Variants in LRRN1 observed in about 807,000 individuals in gnomAD.
The protein encoded by LRRN1 is leucine-rich repeat neuronal protein 1.
LRRN1 carries 14 observed loss-of-function variants against 45.8 expected under a neutral mutation model. The observed-to-expected ratio is 0.31, with a 90% CI of 0.20 to 0.48. The LOEUF (loss-of-function observed/expected upper bound fraction) is 0.48. Among genes scored for constraint, LRRN1 ranks in the 20% least tolerant of loss-of-function variants. LRRN1 has a pLI of 0.99. For synonymous variants in LRRN1, 359 were observed against 330.1 expected (o/e 1.09, Z -0.95); for missense variants, 789 against 874.2 (o/e 0.90, Z 1.23).
intron 1 of LRRN1, among the ~76,000 whole-genome samples, chr3:3,811,170 G>GA (rs754373381): frequency 1.8e-4 from 27 of 151,818 alleles, no homozygotes; most frequent in Admixed American, 2.6e-4. Flanking sequence ...TAAAGATGTG[G>GA]AAAAAAAACC....
At chr3:3,838,697 C>A (rs1693580458) in intron 1 of LRRN1, among the ~76,000 whole-genome samples, 1 of 152,092 alleles carries the variant, frequency 6.6e-6, no homozygotes, top group Admixed American at 6.5e-5. Context: ...CTGTTATTTT[C>A]TGTTGTGATA....
chr3:3,834,564 T>TATATATATATATATGATATATA (rs1406987073), intron 1 of LRRN1, among the ~76,000 whole-genome samples: 1 of 110,382 alleles, frequency 9.1e-6, no homozygotes, highest in South Asian at 2.9e-4. Flanking sequence ...GATATATATA[T>TATATATATATATATGATATATA]TATTATACAT....
chr3:3,815,210 G>C (rs1692963810), intron 1 of LRRN1, among the ~76,000 whole-genome samples: 1 of 152,072 alleles, frequency 6.6e-6, no homozygotes, highest in African/African-American at 2.4e-5. Flanking sequence ...CTTTACACCA[G>C]TGTAAATGTT....
chr3:3,833,423 A>G (rs907715804), intron 1 of LRRN1, among the ~76,000 whole-genome samples: 4 of 152,210 alleles, frequency 2.6e-5, no homozygotes, highest in South Asian at 4.1e-4. Flanking sequence ...GCCCAAATCA[A>G]TAAGTTCAGC....
intron 1 of LRRN1, among the ~76,000 whole-genome samples, chr3:3,834,531 T>TATATATATATATATATC (rs1693451750): frequency 9.8e-6 from 1 of 102,524 alleles, no homozygotes; most frequent in African/African-American, 3.6e-5. Flanking sequence ...ACAGGATATA[T>TATATATATATATATATC]ATATATATAT....
intron 1 of LRRN1, among the ~76,000 whole-genome samples, chr3:3,836,043 C>G (rs1187706599): frequency 6.6e-6 from 1 of 151,938 alleles, no homozygotes; most frequent in Non-Finnish European, 1.5e-5. Flanking sequence ...TTTCTTCTTA[C>G]ATTTGATAGA....
At chr3:3,832,493 A>C (rs1287201398) in intron 1 of LRRN1, among the ~76,000 whole-genome samples, 1 of 152,220 alleles carries the variant, frequency 6.6e-6, no homozygotes, top group African/African-American at 2.4e-5. Context: ...CTGGAGGACC[A>C]CAATGATGTT....
At chr3:3,810,570 G>A (rs142650696) in intron 1 of LRRN1, among the ~76,000 whole-genome samples, 45 of 152,312 alleles carry the variant, frequency 3.0e-4, no homozygotes, top group East Asian at 9.7e-4. Flanking sequence ...TGCTGGGCAT[G>A]GTGGTGCACA....
rs762607244 is a variant in LRRN1, at chr3:3,845,010, G to A, written c.369G>A (p.Thr123=). 13 of 1,613,940 alleles carry A rather than the reference G, an allele frequency of 8.1e-6. No homozygotes were observed. Among genetic ancestry groups the A allele is most frequent in the South Asian group, 6.6e-5 (6 of 91,072 alleles). ...TGGCAAACCTAACCCAGCTCACAAC[G>A]CTGCATTTGGAGGAAAATCAGATTA... ...VGLANLTQLT[T]LHLEENQITE... is the part of the protein sequence containing the mutation. The change falls in exon 2 of 2, where the codon ACG becomes ACA. Residue 123 remains threonine, a synonymous_variant. Transcript: ENST00000319331. This position sits in a 1 kb window ranked among gnomAD's most constrained non-coding sequence, Gnocchi z 6.5.
At chr3:3,842,813 C>G (rs898925366) in intron 1 of LRRN1, among the ~76,000 whole-genome samples, 1 of 152,116 alleles carries the variant, frequency 6.6e-6, no homozygotes, top group African/African-American at 2.4e-5. Flanking sequence ...TTTGGGAAAG[C>G]AAGACAAACA....
intron 1 of LRRN1, among the ~76,000 whole-genome samples, chr3:3,835,325 T>A (rs1351483469): frequency 6.6e-6 from 1 of 152,206 alleles, no homozygotes; most frequent in Admixed American, 6.5e-5. Flanking sequence ...AGTGTTGAAT[T>A]TCTCATGTAA....
In LRRN1 at chr3:3,846,241, A is replaced by G; in HGVS notation, c.1600A>G (p.Thr534Ala). The change falls in exon 2 of 2, where the codon ACA (threonine) becomes GCA (alanine). Residue 534 changes from threonine to alanine, a missense_variant. Physicochemically the swap from Thr to Ala is moderately conservative, Grantham distance 58 (BLOSUM62 0). Transcript: ENST00000319331. This position sits in a 1 kb window ranked among gnomAD's most constrained non-coding sequence, Gnocchi z 5.7. ...TQVLKIYVKQ[T>A]ESHSILVSWK... is the part of the protein sequence containing the mutation. ...GGTGCTAAAAATATACGTCAAGCAG[A>G]CAGAATCCCATTCCATCTTAGTGTC... is the stretch of plus-strand genomic sequence containing the variant. 1 of 1,614,088 alleles carries G rather than the reference A, an allele frequency of 6.2e-7. No individual in the cohort carries two copies. The highest frequency in any genetic ancestry group is 8.5e-7 in the Non-Finnish European group (1 of 1,180,026).
Position 3,849,463 on chromosome 3 carries a change from G to A in LRRN1, c.*2671G>A, listed in dbSNP as rs193254363. 1.3e-5 allele frequency among the ~76,000 whole-genome samples: 2 copies of A among 152,210 alleles called. No individual in the cohort carries two copies. Among genetic ancestry groups the A allele is most frequent in the Admixed American group, 1.3e-4 (2 of 15,282 alleles). On this transcript the variant is annotated 3_prime_UTR_variant, in exon 2 of 2. Coordinates refer to ENST00000319331, the MANE Select transcript of LRRN1 (RefSeq NM_020873.7). ...TCCTTGGCCAAGTATTTTCTCATTT[G>A]TATTTAATTTCATAAATTAGACAGC...
chr3:3,844,747 T>C lies in LRRN1; in HGVS notation c.106T>C (p.Cys36Arg). 6.2e-7 allele frequency: 1 copy of C among 1,614,172 alleles called. No individual in the cohort carries two copies. The highest frequency in any genetic ancestry group is 8.5e-7 in the Non-Finnish European group (1 of 1,180,002). The change falls in exon 2 of 2, where the codon TGC becomes CGC. Residue 36 changes from cysteine (C) to arginine (R), a missense_variant. Physicochemically the swap from Cys to Arg is radical, Grantham distance 180 (BLOSUM62 -3). Coordinates refer to ENST00000319331, the MANE Select transcript of LRRN1 (RefSeq NM_020873.7). ...ACAGAATAGTGAGTGTCCACAACTT[T>C]GCGTATGTGAAATTCGTCCCTGGTT... Reference protein sequence around the residue: ...SIQNSECPQLCVCEIRPWFTP... With the variant: ...SIQNSECPQLRVCEIRPWFTP...
intron 1 of LRRN1, among the ~76,000 whole-genome samples, chr3:3,801,972 T>C (rs915426954): frequency 1.3e-5 from 2 of 152,238 alleles, no homozygotes; most frequent in Admixed American, 1.3e-4. Context: ...CTATTCATTA[T>C]AGTAGAAGAT....
rs1235947919 is a variant in LRRN1 at position 3,799,470 on chromosome 3, CCGGTGAACGAGG to C, written c.-725_-714del. ...GCGCACCGCGGGCGCCGGCAACGAG[CCGGTGAACGAGG>C]CGAGGCCCGTGCGCCCGCGGCTGCA... On this transcript the variant is annotated 5_prime_UTR_variant, in exon 1 of 2. Coordinates refer to ENST00000319331, the MANE Select transcript of LRRN1 (RefSeq NM_020873.7). 2.6e-3 allele frequency: 399 copies of C among 152,066 alleles called. 1 individual carries two copies. The highest frequency in any genetic ancestry group is 8.9e-3 in the African/African-American group (368 of 41,542). The allele number at this position is 152,066 out of a possible 1,614,324, so 9.4% of individuals were successfully genotyped here.
intron 1 of LRRN1, among the ~76,000 whole-genome samples, chr3:3,839,668 T>G (rs899861121): frequency 1.3e-5 from 2 of 152,292 alleles, no homozygotes; most frequent in East Asian, 3.9e-4. Flanking sequence ...GGTTATCTCT[T>G]AACAATTTTC....
chr3:3,808,533 C>T lies in LRRN1; in HGVS notation c.-279+8614C>T, dbSNP rs568768520. Among the ~76,000 whole-genome samples, 95 of 152,284 alleles carry T rather than the reference C, an allele frequency of 6.2e-4. 1 individual carries two copies. Among genetic ancestry groups the T allele is most frequent in the Non-Finnish European group, 1.0e-3 (69 of 68,024 alleles). Reference sequence around the variant, plus strand: ...ATTTGAATTCTCAGTTTATGGCATTCCTGCTTTCCAGGCAGAGCATTTTCA... The same window carrying T: ...ATTTGAATTCTCAGTTTATGGCATTTCTGCTTTCCAGGCAGAGCATTTTCA... On this transcript the variant is annotated intron_variant, in intron 1 of 1. Coordinates refer to ENST00000319331, the MANE Select transcript of LRRN1 (RefSeq NM_020873.7).
chr3:3,823,368 A>G (rs1436988753), intron 1 of LRRN1, among the ~76,000 whole-genome samples: 2 of 152,070 alleles, frequency 1.3e-5, no homozygotes, highest in Non-Finnish European at 2.9e-5. Flanking sequence ...GGGGACAATC[A>G]TAGTACCTAG....
Sources: allele counts gnomAD v4.1 joint callset (sites outside exome capture counted in the v4.1 genomes callset), GRCh38; gene constraint gnomAD v4.1.1; non-coding constraint Gnocchi (gnomAD v3.1); transcripts MANE v1.5; gene names NCBI Gene and HGNC (gene_info 2026-07-23, HGNC 2026-07-21).